The following PAQR8 variants were observed in gnomAD, a reference collection of about 807,000 sequenced individuals.
PAQR8 encodes membrane progestin receptor beta.
Under a neutral mutation model 25.2 loss-of-function variants are expected in PAQR8, and 17 were observed. The ratio of observed to expected loss-of-function variants is 0.67; its 90% confidence interval spans 0.46 to 1.01. The LOEUF (loss-of-function observed/expected upper bound fraction) is 1.01, where lower values mean the gene tolerates loss of function less well. PAQR8 is among the 50% of genes least tolerant of loss of function. PAQR8 has a pLI of 0.00. For missense variants in PAQR8, 392 were observed against 448.4 expected, an observed-to-expected ratio of 0.87 and a Z score of 1.14; for synonymous variants, 204 against 190.6, an observed-to-expected ratio of 1.07 and a Z score of -0.58.
chr6:52,370,738 A>G (rs1581788574), intron 1 of PAQR8, among the ~76,000 whole-genome samples: 1 of 152,182 alleles, frequency 6.6e-6, no homozygotes, highest in East Asian at 1.9e-4. Context: ...AGAATAGTAT[A>G]TGGTATGTAA....
At chr6:52,378,393 C>G (rs745996261) in intron 1 of PAQR8, among the ~76,000 whole-genome samples, 8 of 152,224 alleles carry the variant, frequency 5.3e-5, no homozygotes, top group Non-Finnish European at 1.2e-4. Context: ...TGGTAGTGTT[C>G]ATTTGAGGTA....
At chr6:52,383,673 A>AAC (rs1554255879) in intron 1 of PAQR8, among the ~76,000 whole-genome samples, 2 of 151,854 alleles carry the variant, frequency 1.3e-5, no homozygotes, top group African/African-American at 2.4e-5. Context: ...AAAAAAAAAA[A>AAC]AAAACCAGGA....
At chr6:52,371,514 C>A (rs1763418894) in intron 1 of PAQR8, among the ~76,000 whole-genome samples, 1 of 152,092 alleles carries the variant, frequency 6.6e-6, no homozygotes, top group African/African-American at 2.4e-5. Flanking sequence ...ACACAGTGAT[C>A]CATACATCCA....
At chr6:52,371,983 T>C (rs947179291) in intron 1 of PAQR8, among the ~76,000 whole-genome samples, 6 of 152,188 alleles carry the variant, frequency 3.9e-5, no homozygotes, top group Non-Finnish European at 7.3e-5. Flanking sequence ...TACTCCAGGG[T>C]GGAGTTCCCT....
At chr6:52,369,601 A>AATATACATACTCTGCTGAAT (rs1763393746) in intron 1 of PAQR8, among the ~76,000 whole-genome samples, 1 of 152,192 alleles carries the variant, frequency 6.6e-6, no homozygotes, top group African/African-American at 2.4e-5. Flanking sequence ...ATGGACATAA[A>AATATACATACTCTGCTGAAT]ATATACATAC....
intron 1 of PAQR8, among the ~76,000 whole-genome samples, chr6:52,388,798 G>T (rs968372118): frequency 1.3e-5 from 2 of 152,194 alleles, no homozygotes; most frequent in African/African-American, 4.8e-5. Context: ...AATAAGACAT[G>T]ATGAGTTCTA....
chr6:52,367,958 G>A (rs1313536313), intron 1 of PAQR8, among the ~76,000 whole-genome samples: 1 of 152,166 alleles, frequency 6.6e-6, no homozygotes, highest in Non-Finnish European at 1.5e-5. Context: ...GCCAGGTATG[G>A]TGATTCATGC....
chr6:52,399,526 G>C (rs1309686349), intron 1 of PAQR8, among the ~76,000 whole-genome samples: 1 of 152,202 alleles, frequency 6.6e-6, no homozygotes, highest in Non-Finnish European at 1.5e-5. Context: ...AGATTAGTAG[G>C]AATTGTGTGG....
intron 1 of PAQR8, among the ~76,000 whole-genome samples, chr6:52,373,335 T>C (rs1416342786): frequency 6.6e-6 from 1 of 152,210 alleles, no homozygotes; most frequent in Non-Finnish European, 1.5e-5. Context: ...AAATCCACAA[T>C]GAAAAGGACT....
chr6:52,369,550 G>A lies in PAQR8; in HGVS notation c.-53+7301G>A, dbSNP rs9474211. Among the ~76,000 whole-genome samples the A allele has an allele frequency of 3.0e-4, 45 of 152,216 alleles. 2 individuals are homozygous for A. Among genetic ancestry groups the A allele is most frequent in the East Asian group, 1.2e-3 (6 of 5,162 alleles). ...ATACCAAAAGGTTCAAAATAAATCC[G>A]TAGTCAGGAAACTGGAGGTGAGCTA... On this transcript the variant is annotated intron_variant, in intron 1 of 1. Coordinates refer to ENST00000442253, the MANE Select transcript of PAQR8 (RefSeq NM_133367.5).
intron 1 of PAQR8, among the ~76,000 whole-genome samples, chr6:52,391,353 T>C (rs913341500): frequency 2.0e-5 from 3 of 152,244 alleles, no homozygotes; most frequent in Non-Finnish European, 4.4e-5. Flanking sequence ...CATAGTATTC[T>C]ATTTTATAGA....
intron 1 of PAQR8, among the ~76,000 whole-genome samples, chr6:52,384,691 G>A (rs1763609564): frequency 3.3e-5 from 5 of 152,192 alleles, no homozygotes; most frequent in Admixed American, 3.3e-4. Flanking sequence ...GAAACAAAGA[G>A]CCTAAATAGT....
intron 1 of PAQR8, among the ~76,000 whole-genome samples, chr6:52,387,627 AAATT>A (rs1159344786): frequency 4.6e-5 from 7 of 152,244 alleles, no homozygotes; most frequent in Admixed American, 6.5e-5. Flanking sequence ...GTGTCTCCCC[AAATT>A]AATATGTTGA....
chr6:52,406,438 G>C lies in PAQR8; in HGVS notation c.*2160G>C. 2.4e-6 allele frequency: 1 copy of C among 413,450 alleles called. No homozygotes were observed. The highest frequency in any genetic ancestry group is 3.6e-5 in the East Asian group (1 of 28,082). The allele number at this position is 413,450 out of a possible 1,614,324, so 25.6% of individuals were successfully genotyped here. On this transcript the variant is annotated 3_prime_UTR_variant, in exon 2 of 2. Coordinates refer to ENST00000442253, the MANE Select transcript of PAQR8 (RefSeq NM_133367.5). ...AGAGCAATGATCAGATGGGTGCACA[G>C]ACCAGTGCCAATCTGAACATTGTTA...
chr6:52,398,887 C>CAGATCT (rs1763799153), intron 1 of PAQR8, among the ~76,000 whole-genome samples: 1 of 152,148 alleles, frequency 6.6e-6, no homozygotes, highest in South Asian at 2.1e-4. Flanking sequence ...CCTCAGAGGA[C>CAGATCT]AGATCTTTGC....
intron 1 of PAQR8, among the ~76,000 whole-genome samples, chr6:52,386,352 C>T (rs564288815): frequency 2.0e-5 from 3 of 152,290 alleles, no homozygotes; most frequent in African/African-American, 4.8e-5. Flanking sequence ...TGGGTATGTA[C>T]TCAAAGGAAA....
chr6:52,379,096 C>CAA (rs70977347), intron 1 of PAQR8, among the ~76,000 whole-genome samples: 1,933 of 92,932 alleles, frequency 0.021, 21 homozygotes, highest in South Asian at 0.047. Flanking sequence ...TACTCTTTAT[C>CAA]AAAAAAAAAA....
chr6:52,375,598 C>T (rs756489356), intron 1 of PAQR8, among the ~76,000 whole-genome samples: 1 of 152,142 alleles, frequency 6.6e-6, no homozygotes, highest in Non-Finnish European at 1.5e-5. Flanking sequence ...ACTACAGCCT[C>T]CCCTCCTGGG....
At chr6:52,387,280 CA>C (rs1365546459) in intron 1 of PAQR8, among the ~76,000 whole-genome samples, 1 of 152,202 alleles carries the variant, frequency 6.6e-6, no homozygotes, top group Non-Finnish European at 1.5e-5. Context: ...CAGAGATGGA[CA>C]AGCACTATCT....
Sources: allele counts gnomAD v4.1 joint callset (sites outside exome capture counted in the v4.1 genomes callset), GRCh38; gene constraint gnomAD v4.1.1; transcripts MANE v1.5; gene names NCBI Gene and HGNC (gene_info 2026-07-23, HGNC 2026-07-21).